The following AFF1 variants were observed in gnomAD, a reference collection of about 807,000 sequenced individuals.
AFF1 encodes ALF transcription elongation factor 1, also known as AF4/FMR2 family member 1.
AFF1 carries 48 observed loss-of-function variants against 121.7 expected under a neutral mutation model. The ratio of observed to expected loss-of-function variants is 0.39; its 90% CI spans 0.31 to 0.50. The LOEUF (loss-of-function observed/expected upper bound fraction) is 0.50, where lower values mean the gene tolerates loss of function less well. AFF1 is among the 20% of genes least tolerant of loss of function. The pLI, the probability that AFF1 is intolerant of heterozygous loss-of-function variation, is 0.76. For synonymous variants in AFF1, 613 were observed against 563.0 expected (o/e 1.09, Z -1.26); for missense variants, 1,523 against 1,511.7 (o/e 1.01, Z -0.12).
At position 87,091,803 on chromosome 4, in the gene AFF1, A is replaced by C. The variant is rs776558043; in HGVS notation, c.1202A>C (p.His401Pro). 1.3e-6 allele frequency: 2 copies of C among 1,555,214 alleles called. No homozygotes were observed. Among genetic ancestry groups the C allele is most frequent in the East Asian group, 2.3e-5 (1 of 43,320 alleles). The change falls in exon 7 of 21, where the codon CAT becomes CCT. Residue 401 changes from histidine (H) to proline (P), a missense_variant. This residue lies in a region of AFF1 where 905 missense variants were observed against 842.5 expected (regional missense o/e 1.07). Transcript: ENST00000395146. Reference sequence around the variant, plus strand: ...TTATTTTCTTTCTAGGACTCTCAGCATGTCAGTTCTGTAACCCAAAACCAA... The same window carrying C: ...TTATTTTCTTTCTAGGACTCTCAGCCTGTCAGTTCTGTAACCCAAAACCAA... ...KFPFPTKDSQ[H>P]VSSVTQNQKQ...
At chr4:87,088,373 A>G (rs1053542307) in intron 5 of AFF1, among the ~76,000 whole-genome samples, 1 of 152,174 alleles carries the variant, frequency 6.6e-6, no homozygotes, top group Non-Finnish European at 1.5e-5. Context: ...GGCTGTGGTA[A>G]CCCACAGAGC....
In AFF1 at chr4:87,114,802, C is replaced by A. The variant is rs746639911; in HGVS notation, c.1969C>A (p.Arg657=). 5 of 1,612,792 alleles carry A rather than the reference C, an allele frequency of 3.1e-6. No homozygotes were observed. The South Asian group carries it at 5.5e-5, about 18-fold the overall frequency. ...CAAGCCCAAGGTGAAGACGAAAGGA[C>A]GGCCCCGGGCCGCAGCAAGCAACGA... is the stretch of plus-strand genomic sequence containing the variant. ...KDKPKVKTKG[R]PRAAASNEPK... Residue 657 remains arginine (R), a synonymous_variant, in exon 12 of 21, where the codon CGG becomes AGG. Transcript: ENST00000395146.
At chr4:87,115,361 A>G (rs759858651) in intron 12 of AFF1, 62 bp downstream of exon 12, 8 of 1,432,610 alleles carry the variant, frequency 5.6e-6, no homozygotes, top group South Asian at 1.4e-5. Context: ...GCCTGGCGGT[A>G]TCTTTGATCG....
chr4:87,075,563 G>A (rs1341770890), intron 4 of AFF1, among the ~76,000 whole-genome samples: 3 of 152,028 alleles, frequency 2.0e-5, no homozygotes, highest in Non-Finnish European at 4.4e-5. Flanking sequence ...CAAACATGCT[G>A]CCTGATATAC....
chr4:86,985,599 C>T (rs1326721025), intron 2 of AFF1, among the ~76,000 whole-genome samples: 1 of 151,782 alleles, frequency 6.6e-6, no homozygotes, highest in Non-Finnish European at 1.5e-5. Flanking sequence ...TCGCTTGAAC[C>T]CTTGAAGCGG....
chr4:87,046,086 T>C, intron 2 of AFF1, 80 bp from the exon 3 acceptor site: 1 of 1,550,384 alleles, frequency 6.5e-7, no homozygotes, highest in Admixed American at 1.8e-5. Context: ...TCACCTCCCT[T>C]CTCACATGTA....
intron 2 of AFF1, among the ~76,000 whole-genome samples, chr4:86,994,258 G>A (rs1211200242): frequency 6.6e-6 from 1 of 152,226 alleles, no homozygotes; most frequent in African/African-American, 2.4e-5. Flanking sequence ...CCTGATCACT[G>A]TGGGCTCACT....
At chr4:87,086,801 C>G (rs1723784074) in intron 5 of AFF1, among the ~76,000 whole-genome samples, 1 of 152,142 alleles carries the variant, frequency 6.6e-6, no homozygotes, top group Non-Finnish European at 1.5e-5. Context: ...TTAAGATTGC[C>G]AGGAATCCAA....
At chr4:86,945,939 T>G (rs1578821432) in intron 1 of AFF1, among the ~76,000 whole-genome samples, 2 of 152,208 alleles carry the variant, frequency 1.3e-5, no homozygotes, top group African/African-American at 4.8e-5. Context: ...TTCCAAACTT[T>G]GTGTGTATGC....
intron 2 of AFF1, among the ~76,000 whole-genome samples, chr4:86,988,369 C>A (rs1046103367): frequency 3.4e-4 from 51 of 149,770 alleles, no homozygotes; most frequent in African/African-American, 1.2e-3. Context: ...TTCTCTACTC[C>A]GTTAGATCAA....
chr4:87,013,032 C>CTTTTTTTTTGTTTTTTTTTT (rs1391718271), intron 2 of AFF1, among the ~76,000 whole-genome samples: 1 of 93,514 alleles, frequency 1.1e-5, no homozygotes, highest in African/African-American at 4.3e-5. Flanking sequence ...CTATCAAGTT[C>CTTTTTTTTTGTTTTTTTTTT]TTTTTTTTTT....
intron 2 of AFF1, among the ~76,000 whole-genome samples, chr4:87,036,258 C>G (rs1240563270): frequency 6.6e-6 from 1 of 152,134 alleles, no homozygotes. Context: ...TGCTTGACTG[C>G]TGGTAAGCAC....
chr4:87,120,114 T>A (rs1468866243), intron 12 of AFF1, among the ~76,000 whole-genome samples: 5 of 152,222 alleles, frequency 3.3e-5, no homozygotes, highest in Non-Finnish European at 7.3e-5. Flanking sequence ...CTTAGGCTGT[T>A]CTGAATCATG....
chr4:87,003,581 A>G (rs1725881962), intron 2 of AFF1, among the ~76,000 whole-genome samples: 1 of 152,222 alleles, frequency 6.6e-6, no homozygotes, highest in Non-Finnish European at 1.5e-5. Flanking sequence ...GTGGTGTCAG[A>G]TCAATTAACA....
At chr4:87,101,712 C>T (rs559216620) in intron 8 of AFF1, among the ~76,000 whole-genome samples, 3 of 152,292 alleles carry the variant, frequency 2.0e-5, no homozygotes, top group African/African-American at 7.2e-5. Flanking sequence ...TTTACACATT[C>T]TCACATACTT....
intron 4 of AFF1, among the ~76,000 whole-genome samples, chr4:87,065,953 T>C (rs140225832): frequency 3.7e-4 from 56 of 152,322 alleles, no homozygotes; most frequent in Middle Eastern, 3.4e-3. Context: ...TTTAAATTTA[T>C]TTTTAACTAT....
chr4:87,015,192 T>G (rs1727176622), intron 2 of AFF1, among the ~76,000 whole-genome samples: 3 of 152,356 alleles, frequency 2.0e-5, no homozygotes, highest in Middle Eastern at 6.8e-3. Flanking sequence ...ACCTAGCAAT[T>G]ACAGCTATAG....
chr4:87,074,192 A>C (rs1418261574), intron 4 of AFF1, among the ~76,000 whole-genome samples: 1 of 152,146 alleles, frequency 6.6e-6, no homozygotes, highest in Admixed American at 6.5e-5. Context: ...TCGTGAGCAG[A>C]ATTGGTTGTA....
In AFF1 at chr4:87,091,974, T is replaced by C. The variant is rs555423766; in HGVS notation, c.1228+145T>C. On this transcript the variant is annotated intron_variant, in intron 7 of 20. Coordinates refer to ENST00000395146, the MANE Select transcript of AFF1 (RefSeq NM_001166693.3). The stretch of plus-strand genomic sequence containing the variant: ...TAGGAAAGGAGAACAAATATAAAAC[T>C]ATTCTTTATGTGGGATTTAAAATTG... The C allele has an allele frequency of 5.4e-5, 36 of 667,436 alleles. No individual in the cohort carries two copies. The East Asian group carries it at 1.1e-3, about 20-fold the overall frequency. 41.3% of individuals were successfully genotyped at this position (667,436 alleles called of 1,614,324 possible). A position where few individuals can be genotyped will look rare whatever the true frequency, so the allele number is the denominator to read the frequency against.
Sources: gnomAD v4.1 joint callset for allele counts (sites outside exome capture counted in the v4.1 genomes callset) on GRCh38, gnomAD v4.1.1 for gene constraint, gnomAD v4.1.1 regional missense constraint, MANE v1.5 for transcripts, NCBI Gene and HGNC (gene_info 2026-07-23, HGNC 2026-07-21) for gene names.